CCDC150: variants seen among roughly 807,000 people sequenced by gnomAD.
The protein encoded by CCDC150 is coiled-coil domain containing 150.
CCDC150 carries 151 observed loss-of-function variants against 156.5 expected under a neutral mutation model. That is an observed-to-expected ratio of 0.97 (90% CI 0.85 to 1.10). The LOEUF (loss-of-function observed/expected upper bound fraction) is 1.10, where lower values mean the gene tolerates loss of function less well. Ranked by LOEUF, CCDC150 falls within the 50% of genes least tolerant of loss-of-function variation. The pLI is 0.00. For missense variants in CCDC150, 1,312 were observed against 1,268.1 expected (o/e 1.03, Z -0.53); for synonymous variants, 452 against 429.4 (o/e 1.05, Z -0.65).
At chr2:196,695,652 G>C (rs1050135286) in intron 14 of CCDC150, among the ~76,000 whole-genome samples, 1 of 151,998 alleles carries the variant, frequency 6.6e-6, no homozygotes, top group South Asian at 2.1e-4. Context: ...GACCATCCTG[G>C]CTAACACGGT....
At position 196,719,676 on chromosome 2, in the gene CCDC150, G is replaced by T. The variant is rs1559274259; in HGVS notation, c.2165+10G>T. On this transcript the variant is annotated intron_variant, in intron 19 of 27. Coordinates refer to ENST00000389175, the MANE Select transcript of CCDC150 (RefSeq NM_001080539.2). ...GCCTCAAGAAAGAAAGGTACCTGTG[G>T]TTTTTTTTCCCTGTCATTGGTATTG... 1.9e-6 allele frequency: 3 copies of T among 1,592,614 alleles called. No homozygotes were observed. The highest frequency in any genetic ancestry group is 2.6e-6 in the Non-Finnish European group (3 of 1,171,358).
intron 15 of CCDC150, among the ~76,000 whole-genome samples, chr2:196,711,855 A>T (rs1697138305): frequency 6.6e-6 from 1 of 152,060 alleles, no homozygotes. Flanking sequence ...TAGCCACAAA[A>T]TCTCACTGTT....
chr2:196,651,630 A>G (rs1274947677), intron 2 of CCDC150, among the ~76,000 whole-genome samples: 1 of 152,142 alleles, frequency 6.6e-6, no homozygotes, highest in Non-Finnish European at 1.5e-5. Context: ...TTTCTGTTGA[A>G]AACTTCATCG....
At chr2:196,708,806 C>T (rs1245761658) in intron 15 of CCDC150, among the ~76,000 whole-genome samples, 1 of 152,168 alleles carries the variant, frequency 6.6e-6, no homozygotes. Context: ...GTTGAAAATT[C>T]TTTTCTTTAA....
chr2:196,722,537 A>G (rs952821352), intron 21 of CCDC150, among the ~76,000 whole-genome samples: 1 of 152,038 alleles, frequency 6.6e-6, no homozygotes, highest in South Asian at 2.1e-4. Flanking sequence ...TGGCCTCCCA[A>G]AGTGCTGGGA....
Position 196,721,566 on chromosome 2 carries a change from C to G in CCDC150, c.2304C>G (p.Asn768Lys), listed in dbSNP as rs1575963803. 1 of 1,608,266 alleles carries G rather than the reference C, an allele frequency of 6.2e-7. No individual in the cohort carries two copies. Among genetic ancestry groups the G allele is most frequent in the Non-Finnish European group, 8.5e-7 (1 of 1,177,722 alleles). ...CTCTAGGTGTAGCTAGAGAAGACAA[C>G]AGGAAACTTGCTATGAGTCTGGAAC... is the stretch of plus-strand genomic sequence containing the variant. ...QKALGVARED[N>K]RKLAMSLEQA... Residue 768 changes from asparagine to lysine, a missense_variant, in exon 21 of 28, where the codon AAC becomes AAG. Asn to Lys is a moderately conservative substitution (Grantham distance 94, BLOSUM62 0). Coordinates refer to ENST00000389175, the MANE Select transcript of CCDC150 (RefSeq NM_001080539.2).
At chr2:196,693,250 C>G (rs530173954) in intron 13 of CCDC150, among the ~76,000 whole-genome samples, 33 of 152,166 alleles carry the variant, frequency 2.2e-4, no homozygotes, top group Admixed American at 1.5e-3. Flanking sequence ...GTATGTGGTC[C>G]GTCATTGACT....
At position 196,676,542 on chromosome 2, in the gene CCDC150, C is replaced by CA. The variant is rs1292058068; in HGVS notation, c.1263-12_1263-11insA. Reference sequence around the variant, plus strand: ...AATTTAGCTTTCATATGTTCTTGATCTCTTCCTGCAGGGATCATTTAATCC... The same window carrying CA: ...AATTTAGCTTTCATATGTTCTTGATCATCTTCCTGCAGGGATCATTTAATCC... On this transcript the variant is annotated splice_polypyrimidine_tract_variant and intron_variant, in intron 11 of 27. Transcript: ENST00000389175. 4 of 1,591,364 alleles carry CA rather than the reference C, an allele frequency of 2.5e-6. No homozygotes were observed.
At chr2:196,704,742 G>T (rs1337749296) in intron 15 of CCDC150, among the ~76,000 whole-genome samples, 3 of 152,016 alleles carry the variant, frequency 2.0e-5, no homozygotes, top group African/African-American at 7.3e-5. Flanking sequence ...GATGTTCCCT[G>T]CCCTGTGTCC....
At chr2:196,717,240 A>G (rs141553624) in intron 17 of CCDC150, among the ~76,000 whole-genome samples, 1,626 of 152,222 alleles carry the variant, frequency 0.011, 25 homozygotes, top group Middle Eastern at 0.034. Context: ...ATTACTGTAC[A>G]TCAGTGTAGT....
intron 2 of CCDC150, among the ~76,000 whole-genome samples, chr2:196,654,886 C>T (rs1041566984): frequency 1.2e-4 from 18 of 152,176 alleles, no homozygotes; most frequent in East Asian, 5.8e-4. Flanking sequence ...CTTACCAATT[C>T]GTACAGCCAG....
chr2:196,698,279 G>A (rs1695952464), intron 14 of CCDC150, among the ~76,000 whole-genome samples: 1 of 152,102 alleles, frequency 6.6e-6, no homozygotes, highest in Admixed American at 6.5e-5. Flanking sequence ...TTAAATAAGT[G>A]AGCCTTTGTC....
chr2:196,694,915 C>T, intron 13 of CCDC150, 131 bp from the exon 14 acceptor site: 1 of 508,798 alleles, frequency 2.0e-6, no homozygotes, highest in African/African-American at 2.0e-5. Flanking sequence ...GGTCATATTT[C>T]CACATTTAGA....
chr2:196,729,365 C>T lies in CCDC150; in HGVS notation c.2729C>T (p.Ala910Val). ...KLHLSAKANN[A>V]QNIERMKQIE... Reference sequence around the variant, plus strand: ...CACTTGTCAGCTAAGGCGAATAATGCTCAGAATATAGAAAGGATGAAGGTT... The same window carrying T: ...CACTTGTCAGCTAAGGCGAATAATGTTCAGAATATAGAAAGGATGAAGGTT... The change falls in exon 23 of 28, where the codon GCT becomes GTT. Residue 910 changes from alanine to valine, a missense_variant. Coordinates refer to ENST00000389175, the MANE Select transcript of CCDC150 (RefSeq NM_001080539.2). 1 of 1,613,792 alleles carries T rather than the reference C, an allele frequency of 6.2e-7. No individual in the cohort carries two copies. Among genetic ancestry groups the T allele is most frequent in the Non-Finnish European group, 8.5e-7 (1 of 1,179,796 alleles).
intron 2 of CCDC150, among the ~76,000 whole-genome samples, chr2:196,647,262 A>G (rs1235565827): frequency 3.9e-5 from 6 of 152,094 alleles, no homozygotes; most frequent in Non-Finnish European, 4.4e-5. Context: ...TAAAAACATG[A>G]ATATATTGCC....
Position 196,718,547 on chromosome 2 carries a change from A to G in CCDC150, c.1911A>G (p.Thr637=). The G allele has an allele frequency of 1.2e-6, 2 of 1,613,754 alleles. No individual in the cohort carries two copies. Among genetic ancestry groups the G allele is most frequent in the Non-Finnish European group, 1.7e-6 (2 of 1,179,748 alleles). Residue 637 remains threonine, a synonymous_variant, in exon 18 of 28, where the codon ACA becomes ACG. Coordinates refer to ENST00000389175, the MANE Select transcript of CCDC150 (RefSeq NM_001080539.2). ...GAAGTAAAGAGGAGCTGTCCCGAACAGTGAAGTGTCGTAATGCGGCCCTGA... is the reference window on the plus strand; with the variant it reads ...GAAGTAAAGAGGAGCTGTCCCGAACGGTGAAGTGTCGTAATGCGGCCCTGA... ...LERSKEELSR[T]VKCRNAALKE...
Position 196,726,345 on chromosome 2 carries a change from A to G in CCDC150, c.2556+246A>G, listed in dbSNP as rs899154745. ...TCAGAGAGTGATAAGCAAGAGGGAT[A>G]GAGGAATAAGGAGACTGCCATTTGA... is the stretch of plus-strand genomic sequence containing the variant. On this transcript the variant is annotated intron_variant, in intron 22 of 27. Coordinates refer to ENST00000389175, the MANE Select transcript of CCDC150 (RefSeq NM_001080539.2). The G allele has an allele frequency of 1.1e-5, 4 of 377,948 alleles. No individual in the cohort carries two copies. In the East Asian group the frequency reaches 2.1e-4, roughly 20 times the overall value. The allele number at this position is 377,948 out of a possible 1,614,324, so 23.4% of individuals were successfully genotyped here. A position where few individuals can be genotyped will look rare whatever the true frequency, so the allele number is the denominator to read the frequency against.
At chr2:196,695,237 A>G (rs1270667869) in intron 14 of CCDC150, 78 bp downstream of exon 14, 5 of 694,718 alleles carry the variant, frequency 7.2e-6, no homozygotes, top group Non-Finnish European at 1.2e-5. Context: ...AGGTCAGGAG[A>G]TGGGTTTTCT....
At chr2:196,671,530 C>T (rs527512302) in intron 8 of CCDC150, among the ~76,000 whole-genome samples, 4 of 147,156 alleles carry the variant, frequency 2.7e-5, no homozygotes, top group South Asian at 2.2e-4. Flanking sequence ...TGGGTTCAAG[C>T]GATTCTCCTG....
Sources: gnomAD v4.1 joint callset for allele counts (sites outside exome capture counted in the v4.1 genomes callset) on GRCh38, gnomAD v4.1.1 for gene constraint, MANE v1.5 for transcripts, NCBI Gene and HGNC (gene_info 2026-07-23, HGNC 2026-07-21) for gene names.